The following LY96 variants were observed in gnomAD, a reference collection of about 807,000 sequenced individuals.
LY96 encodes the protein lymphocyte antigen 96.
A neutral mutation model predicts 18.9 loss-of-function variants in LY96; 18 were observed. The observed-to-expected ratio is 0.95, with a 90% CI of 0.66 to 1.41. The LOEUF (loss-of-function observed/expected upper bound fraction) is 1.41. Ranked by LOEUF, LY96 falls within the 40% of genes most tolerant of loss-of-function variation. LY96 has a pLI of 0.00. For synonymous variants in LY96, 66 were observed against 62.6 expected (o/e 1.06, Z -0.26); for missense variants, 175 against 182.4 (o/e 0.96, Z 0.23).
the LY96 span, among the ~76,000 whole-genome samples, chr8:74,036,071 A>T: frequency 6.6e-6 from 1 of 152,314 alleles, no homozygotes; most frequent in Non-Finnish European, 1.5e-5. Flanking sequence ...CGTCTCAGGG[A>T]TACTTTTGGG....
chr8:73,997,991 C>T (rs1816186052), intron 1 of LY96, among the ~76,000 whole-genome samples: 1 of 152,134 alleles, frequency 6.6e-6, no homozygotes, highest in Non-Finnish European at 1.5e-5. Context: ...ATCATGTAGG[C>T]ATAATCGAAT....
At chr8:74,011,774 G>T (rs539178273) in intron 3 of LY96, among the ~76,000 whole-genome samples, 1 of 150,996 alleles carries the variant, frequency 6.6e-6, no homozygotes, top group Non-Finnish European at 1.5e-5. Flanking sequence ...CAGGAGAATC[G>T]CTTGAACCCA....
chr8:74,014,812 TACACACACACACACAC>T (rs111566455), intron 3 of LY96, among the ~76,000 whole-genome samples: 3 of 144,666 alleles, frequency 2.1e-5, no homozygotes, highest in Non-Finnish European at 4.6e-5. Flanking sequence ...CTCACCAGTT[TACACACACACACACAC>T]ACACACACAC....
intron 3 of LY96, among the ~76,000 whole-genome samples, chr8:74,018,120 A>C (rs1484997190): frequency 1.3e-5 from 2 of 152,222 alleles, no homozygotes; most frequent in East Asian, 3.8e-4. Flanking sequence ...TTGGATAAAG[A>C]GTCAAGACGT....
At chr8:74,041,773 T>C in the LY96 span, among the ~76,000 whole-genome samples, 1 of 152,224 alleles carries the variant, frequency 6.6e-6, no homozygotes, top group Non-Finnish European at 1.5e-5. Context: ...TTTTCTGTTG[T>C]TTAAGATGTT....
the LY96 span, among the ~76,000 whole-genome samples, chr8:74,092,126 G>A: frequency 1.3e-5 from 2 of 152,114 alleles, no homozygotes; most frequent in Admixed American, 1.3e-4. Flanking sequence ...CTTCTTACCT[G>A]GCTATAATTC....
chr8:74,002,060 T>G lies in LY96; in HGVS notation c.113-2736T>G, dbSNP rs1301921357. On this transcript the variant is annotated intron_variant, in intron 1 of 4. Coordinates refer to ENST00000284818, the MANE Select transcript of LY96 (RefSeq NM_015364.5). The stretch of plus-strand genomic sequence containing the variant: ...CTTCCTTCCTTCCTTCCTTCCTTCC[T>G]TCCTTCCTTCCTTCCTTTCTTTCTT... Among the ~76,000 whole-genome samples the G allele has an allele frequency of 1.4e-3, 57 of 42,134 alleles. 5 individuals carry two copies. Among genetic ancestry groups the G allele is most frequent in the Admixed American group, 4.1e-3 (13 of 3,196 alleles). The allele number at this position is 42,134 out of a possible 152,430, so 27.6% of individuals were successfully genotyped here.
intron 3 of LY96, among the ~76,000 whole-genome samples, chr8:74,016,007 T>G (rs560122768): frequency 1.3e-5 from 2 of 152,194 alleles, no homozygotes; most frequent in African/African-American, 2.4e-5. Flanking sequence ...TCACTGGGAC[T>G]AGTTGGACAG....
At chr8:74,074,396 C>G in the LY96 span, among the ~76,000 whole-genome samples, 1 of 151,914 alleles carries the variant, frequency 6.6e-6, no homozygotes, top group African/African-American at 2.4e-5. Context: ...TCTTTTGATT[C>G]TTTTTCTTTC....
At chr8:74,003,578 T>G (rs1013801578) in intron 1 of LY96, among the ~76,000 whole-genome samples, 1 of 152,220 alleles carries the variant, frequency 6.6e-6, no homozygotes, top group Non-Finnish European at 1.5e-5. Flanking sequence ...ACCTTCGCTG[T>G]ACTTCTTAGG....
chr8:74,038,161 A>G, the LY96 span, among the ~76,000 whole-genome samples: 3 of 152,228 alleles, frequency 2.0e-5, no homozygotes, highest in African/African-American at 7.2e-5. Context: ...TGGGGTATCC[A>G]TCACCTCAAT....
the LY96 span, among the ~76,000 whole-genome samples, chr8:74,042,534 G>A: frequency 5.1e-3 from 782 of 152,138 alleles, 8 homozygotes; most frequent in African/African-American, 0.014. Context: ...AAAAAATTTG[G>A]GATTGGACTC....
At chr8:74,014,275 G>A (rs372628411) in intron 3 of LY96, among the ~76,000 whole-genome samples, 1 of 150,912 alleles carries the variant, frequency 6.6e-6, no homozygotes, top group African/African-American at 2.4e-5. Context: ...TTAGCTGGGT[G>A]TGGTGGTACC....
chr8:73,997,278 C>T (rs1047819193), intron 1 of LY96, among the ~76,000 whole-genome samples: 2 of 152,186 alleles, frequency 1.3e-5, no homozygotes, highest in Non-Finnish European at 2.9e-5. Context: ...ATTAGTCATT[C>T]CTGTTTTCAT....
the LY96 span, among the ~76,000 whole-genome samples, chr8:74,096,695 G>A: frequency 6.6e-6 from 1 of 152,098 alleles, no homozygotes; most frequent in Non-Finnish European, 1.5e-5. Flanking sequence ...TCATGGGGGC[G>A]GGGACTCTGT....
chr8:74,031,634 C>CA (rs59273111), downstream of LY96, among the ~76,000 whole-genome samples: 4,133 of 103,498 alleles, frequency 0.04, 196 homozygotes, highest in African/African-American at 0.12. Flanking sequence ...GACTCTGTCT[C>CA]AAAAAAAAAA....
chr8:74,041,058 C>T, the LY96 span, among the ~76,000 whole-genome samples: 11 of 152,108 alleles, frequency 7.2e-5, no homozygotes, highest in African/African-American at 2.7e-4. Flanking sequence ...ACGGAGGGAT[C>T]AGCTGGAGCC....
the LY96 span, among the ~76,000 whole-genome samples, chr8:74,044,883 C>T: frequency 6.6e-6 from 1 of 152,134 alleles, no homozygotes; most frequent in Non-Finnish European, 1.5e-5. Flanking sequence ...CCCATGAATC[C>T]CTTATTCTCT....
At chr8:74,032,610 G>A (rs949205868), downstream of LY96, among the ~76,000 whole-genome samples, 3 of 152,214 alleles carry the variant, frequency 2.0e-5, no homozygotes, top group Non-Finnish European at 2.9e-5. Flanking sequence ...TTTTGGAGAC[G>A]TGAGTCTGCC....
Sources: gnomAD v4.1 joint callset for allele counts (sites outside exome capture counted in the v4.1 genomes callset) on GRCh38, gnomAD v4.1.1 for gene constraint, MANE v1.5 for transcripts, NCBI Gene and HGNC (gene_info 2026-07-23, HGNC 2026-07-21) for gene names.